The following CUL4A variants were observed in gnomAD, a reference collection of about 807,000 sequenced individuals.
The protein encoded by CUL4A is cullin-4A.
A neutral mutation model predicts 95.5 loss-of-function variants in CUL4A; 16 were observed. The ratio of observed to expected loss-of-function variants is 0.17; its 90% CI spans 0.11 to 0.25. The LOEUF (loss-of-function observed/expected upper bound fraction) is 0.25. Among genes scored for constraint, CUL4A ranks in the 10% least tolerant of loss-of-function variants. The pLI is 1.00. For missense variants in CUL4A, 610 were observed against 937.0 expected (o/e 0.65, Z 4.56); for synonymous variants, 380 against 353.1 (o/e 1.08, Z -0.85).
intron 15 of CUL4A, among the ~76,000 whole-genome samples, chr13:113,248,601 G>T (rs761920194): frequency 6.6e-6 from 1 of 152,068 alleles, no homozygotes; most frequent in Non-Finnish European, 1.5e-5. Flanking sequence ...GTAACATCCA[G>T]TGCAGTTGTT....
At chr13:113,232,068 T>TGC (rs1555301912) in intron 5 of CUL4A, among the ~76,000 whole-genome samples, 1,769 of 82,396 alleles carry the variant, frequency 0.021, 56 homozygotes, top group East Asian at 0.072. Context: ...ACCATTACTG[T>TGC]CACCACTACC....
chr13:113,241,338 T>C (rs898914538), intron 10 of CUL4A, among the ~76,000 whole-genome samples: 1 of 152,124 alleles, frequency 6.6e-6, no homozygotes, highest in African/African-American at 2.4e-5. Context: ...AATAGTAGTT[T>C]ATATTCAACT....
chr13:113,261,921 C>T (rs1296616911), intron 19 of CUL4A, among the ~76,000 whole-genome samples: 1 of 152,172 alleles, frequency 6.6e-6, no homozygotes, highest in Non-Finnish European at 1.5e-5. Context: ...GCTGGGCTTA[C>T]AGGCACGCGC....
At chr13:113,259,363 C>T (rs1027561224) in intron 18 of CUL4A, among the ~76,000 whole-genome samples, 1 of 152,202 alleles carries the variant, frequency 6.6e-6, no homozygotes, top group Non-Finnish European at 1.5e-5. Flanking sequence ...TCTCTCCCAT[C>T]CTGAAGCATA....
At chr13:113,259,382 A>C (rs768710678) in intron 18 of CUL4A, among the ~76,000 whole-genome samples, 1 of 152,216 alleles carries the variant, frequency 6.6e-6, no homozygotes, top group Non-Finnish European at 1.5e-5. Flanking sequence ...TACTTGCCTC[A>C]TATGTATGCA....
At chr13:113,247,273 G>T (rs1178347996) in intron 15 of CUL4A, among the ~76,000 whole-genome samples, 3 of 152,158 alleles carry the variant, frequency 2.0e-5, no homozygotes, top group Non-Finnish European at 4.4e-5. Context: ...AGAGGGGACA[G>T]ACCCCCAAAC....
Position 113,256,544 on chromosome 13 carries a change from GCTCA to G in CUL4A, c.2031+1421_2031+1424del, listed in dbSNP as rs1313223553. Among the ~76,000 whole-genome samples, 7 of 152,202 alleles carry G rather than the reference GCTCA, an allele frequency of 4.6e-5. No individual in the cohort carries two copies. The East Asian group carries it at 1.4e-3, about 29-fold the overall frequency. On this transcript the variant is annotated intron_variant, in intron 18 of 19. Transcript: ENST00000375440. ...CTGCCCCCACCTCCACCTGTCCTTC[GCTCA>G]CCCTGTTCTGAGCAGCCCAAAGATA...
rs147221902 is a variant in CUL4A at position 113,226,664 on chromosome 13, G to A, written c.369-1312G>A. 7.9e-5 allele frequency among the ~76,000 whole-genome samples: 12 copies of A among 152,234 alleles called. No individual in the cohort carries two copies. In the East Asian group the frequency reaches 2.1e-3, roughly 27 times the overall value. Reference sequence around the variant, plus strand: ...AAGAGTGTTCCTAATTTGGTGCATGGATGAGAGTTCATGTTAGTTTTCATT... The same window carrying A: ...AAGAGTGTTCCTAATTTGGTGCATGAATGAGAGTTCATGTTAGTTTTCATT... On this transcript the variant is annotated intron_variant, in intron 3 of 19. Coordinates refer to ENST00000375440, the MANE Select transcript of CUL4A (RefSeq NM_001008895.4).
intron 19 of CUL4A, among the ~76,000 whole-genome samples, chr13:113,261,506 C>T (rs2042274874): frequency 6.6e-6 from 1 of 152,160 alleles, no homozygotes; most frequent in Non-Finnish European, 1.5e-5. Flanking sequence ...CACATTTGCC[C>T]CCTTCCCTGC....
At chr13:113,233,728 G>A (rs1281376736) in intron 6 of CUL4A, among the ~76,000 whole-genome samples, 169 bp from the exon 7 acceptor site, 1 of 152,208 alleles carries the variant, frequency 6.6e-6, no homozygotes, top group Non-Finnish European at 1.5e-5. Context: ...ACAGAGGAGG[G>A]CCTGCCCGGC....
chr13:113,260,913 C>G (rs981623005), intron 19 of CUL4A, among the ~76,000 whole-genome samples, 154 bp downstream of exon 19: 1 of 152,186 alleles, frequency 6.6e-6, no homozygotes, highest in African/African-American at 2.4e-5. Context: ...ATGTGAAGCT[C>G]TTTATTCCAG....
chr13:113,222,768 T>C (rs1351537114), intron 3 of CUL4A, among the ~76,000 whole-genome samples: 1 of 152,166 alleles, frequency 6.6e-6, no homozygotes, highest in Non-Finnish European at 1.5e-5. Context: ...GGGTGTGTGG[T>C]TCACACCTGT....
intron 15 of CUL4A, among the ~76,000 whole-genome samples, chr13:113,249,529 C>A (rs1049085757): frequency 2.6e-5 from 4 of 152,212 alleles, no homozygotes; most frequent in Non-Finnish European, 5.9e-5. Flanking sequence ...GTTATTTCCA[C>A]CTTTTGGCCG....
chr13:113,261,137 G>A (rs976263476), intron 19 of CUL4A, among the ~76,000 whole-genome samples: 15 of 152,132 alleles, frequency 9.9e-5, no homozygotes, highest in East Asian at 1.9e-4. Flanking sequence ...AGCCTACACC[G>A]CGTTTTCCAC....
At chr13:113,248,274 A>G (rs188367657) in intron 15 of CUL4A, among the ~76,000 whole-genome samples, 125 of 152,094 alleles carry the variant, frequency 8.2e-4, no homozygotes, top group South Asian at 7.9e-3. Context: ...TCATTTCTCT[A>G]TATTTAGAAG....
At chr13:113,235,624 G>T (rs964532360) in intron 8 of CUL4A, among the ~76,000 whole-genome samples, 1 of 152,144 alleles carries the variant, frequency 6.6e-6, no homozygotes, top group Non-Finnish European at 1.5e-5. Context: ...GTGTCCATAT[G>T]ATGGGAGGCA....
At position 113,245,939 on chromosome 13, in the gene CUL4A, G is replaced by T; in HGVS notation, c.1531-17G>T. ...ATTACTTTCTCAAAATGATTGTCTTGGATTTCTCTGTTTTAGCATATGCAG... is the reference window on the plus strand; with the variant it reads ...ATTACTTTCTCAAAATGATTGTCTTTGATTTCTCTGTTTTAGCATATGCAG... On this transcript the variant is annotated splice_polypyrimidine_tract_variant and intron_variant, in intron 14 of 19. Coordinates refer to ENST00000375440, the MANE Select transcript of CUL4A (RefSeq NM_001008895.4). 1 of 1,547,346 alleles carries T rather than the reference G, an allele frequency of 6.5e-7. No individual in the cohort carries two copies. Among genetic ancestry groups the T allele is most frequent in the Non-Finnish European group, 8.9e-7 (1 of 1,126,612 alleles).
chr13:113,208,640 C>A, upstream of CUL4A: 1 of 1,605,946 alleles, frequency 6.2e-7, no homozygotes. Context: ...GCCATGGGAG[C>A]GCCGCCGAAC....
intron 18 of CUL4A, among the ~76,000 whole-genome samples, chr13:113,259,626 TACAGTGCTCTC>T (rs1411212096): frequency 6.6e-6 from 1 of 152,240 alleles, no homozygotes. Flanking sequence ...TTTCAACTGC[TACAGTGCTCTC>T]ACTTATATTC....
Sources: allele counts gnomAD v4.1 joint callset (sites outside exome capture counted in the v4.1 genomes callset), GRCh38; gene constraint gnomAD v4.1.1; transcripts MANE v1.5; gene names NCBI Gene and HGNC (gene_info 2026-07-23, HGNC 2026-07-21).